Variants in KALRN observed in about 807,000 individuals in gnomAD.
KALRN encodes the protein kalirin.
A neutral mutation model predicts 353.7 loss-of-function variants in KALRN; 70 were observed. The observed-to-expected ratio is 0.20, with a 90% CI of 0.16 to 0.24. The LOEUF (loss-of-function observed/expected upper bound fraction) is 0.24, where lower values mean the gene tolerates loss of function less well. Among genes scored for constraint, KALRN ranks in the 10% least tolerant of loss-of-function variants. The pLI is 1.00. For synonymous variants in KALRN, 1,391 were observed against 1,434.8 expected, an observed-to-expected ratio of 0.97 and a Z score of 0.69; for missense variants, 2,791 against 3,756.7, an observed-to-expected ratio of 0.74 and a Z score of 6.72.
chr3:124,346,361 T>C (rs1257144887), intron 9 of KALRN, among the ~76,000 whole-genome samples: 1 of 152,088 alleles, frequency 6.6e-6, no homozygotes, highest in Non-Finnish European at 1.5e-5. Flanking sequence ...CTCTCACCCC[T>C]CTATTGCCCA....
chr3:124,428,043 T>A (rs965082204), intron 15 of KALRN, among the ~76,000 whole-genome samples: 1 of 152,184 alleles, frequency 6.6e-6, no homozygotes, highest in Admixed American at 6.5e-5. Context: ...AGCTCAAAAT[T>A]AGTAGAACCA....
intron 6 of KALRN, among the ~76,000 whole-genome samples, chr3:124,309,436 G>A (rs1050501123): frequency 1.3e-5 from 2 of 152,050 alleles, no homozygotes; most frequent in East Asian, 1.9e-4. Context: ...TGGTGCTCAC[G>A]AATAGTCCCA....
intron 34 of KALRN, among the ~76,000 whole-genome samples, chr3:124,610,465 GA>G: frequency 6.6e-6 from 1 of 152,306 alleles, no homozygotes; most frequent in South Asian, 2.1e-4. Flanking sequence ...GCTCTGGGGG[GA>G]CAAGGGGTTG....
chr3:124,451,695 C>G (rs547126115), intron 21 of KALRN, among the ~76,000 whole-genome samples: 12 of 152,246 alleles, frequency 7.9e-5, no homozygotes, highest in African/African-American at 2.6e-4. Flanking sequence ...CCAGAAAAAG[C>G]TCAGTGACTC....
At chr3:124,561,561 G>A (rs1056146934) in intron 33 of KALRN, among the ~76,000 whole-genome samples, 5 of 152,218 alleles carry the variant, frequency 3.3e-5, no homozygotes, top group African/African-American at 1.2e-4. Context: ...CGTTCACTGT[G>A]TATGCCACTG....
chr3:124,167,127 G>A (rs987088731), intron 1 of KALRN, among the ~76,000 whole-genome samples: 18 of 152,100 alleles, frequency 1.2e-4, no homozygotes, highest in Non-Finnish European at 2.2e-4. Flanking sequence ...ATGGAGTGGG[G>A]GTGGACCAAG....
In KALRN at chr3:124,343,553, G is replaced by A. The variant is rs115916711; in HGVS notation, c.1648-3590G>A. Among the ~76,000 whole-genome samples the A allele has an allele frequency of 7.3e-3, 1,107 of 152,194 alleles. 21 individuals carry two copies. The highest frequency in any genetic ancestry group is 0.025 in the African/African-American group (1,046 of 41,524). On this transcript the variant is annotated intron_variant, in intron 9 of 59. Coordinates refer to ENST00000682506, the MANE Select transcript of KALRN (RefSeq NM_001388419.1). ...CTTAGGATGAACAATGGATTCTCCC[G>A]TTCAGCACACCAGGGCTCACCACAA...
At chr3:124,207,424 C>T (rs1026696174) in intron 1 of KALRN, among the ~76,000 whole-genome samples, 4 of 152,204 alleles carry the variant, frequency 2.6e-5, no homozygotes, top group African/African-American at 9.7e-5. Flanking sequence ...TTGTAACTGT[C>T]CCGAAACTCG....
chr3:124,541,943 C>G (rs1227189050), intron 33 of KALRN, among the ~76,000 whole-genome samples: 1 of 152,084 alleles, frequency 6.6e-6, no homozygotes, highest in Non-Finnish European at 1.5e-5. Flanking sequence ...GATGGTGCCA[C>G]TGCACTCCAG....
At chr3:124,216,489 G>A (rs1224316886) in intron 1 of KALRN, among the ~76,000 whole-genome samples, 2 of 152,198 alleles carry the variant, frequency 1.3e-5, no homozygotes, top group Non-Finnish European at 2.9e-5. Flanking sequence ...ATATGCAATG[G>A]TTTGTGTACA....
intron 3 of KALRN, among the ~76,000 whole-genome samples, chr3:124,246,097 A>T (rs2081090222): frequency 6.6e-6 from 1 of 152,150 alleles, no homozygotes; most frequent in African/African-American, 2.4e-5. Context: ...TTGGCCATAT[A>T]CCTAGACATG....
intron 1 of KALRN, among the ~76,000 whole-genome samples, chr3:124,151,150 G>A (rs1454589158): frequency 2.6e-5 from 4 of 152,034 alleles, no homozygotes; most frequent in Admixed American, 6.6e-5. Context: ...GGATACTCTC[G>A]TACATATCTA....
intron 11 of KALRN, 95 bp downstream of exon 11, chr3:124,385,131 G>A: frequency 4.8e-6 from 5 of 1,039,838 alleles, no homozygotes; most frequent in African/African-American, 1.6e-5. Context: ...AGGGTCCTGG[G>A]TAGTCTGGGG....
At chr3:124,713,285 A>C (rs1272617952) in intron 58 of KALRN, 150 bp downstream of exon 58, 2 of 530,140 alleles carry the variant, frequency 3.8e-6, no homozygotes, top group Non-Finnish European at 6.4e-6. Context: ...CCCATTTTAT[A>C]ATCAATGTCA....
In KALRN at chr3:124,719,321, C is replaced by T. The variant is rs1266486997; in HGVS notation, c.8812C>T (p.Leu2938=). 4 of 1,614,234 alleles carry T rather than the reference C, an allele frequency of 2.5e-6. No individual in the cohort carries two copies. Among genetic ancestry groups the T allele is most frequent in the Non-Finnish European group, 3.4e-6 (4 of 1,180,048 alleles). Residue 2938 remains leucine, a synonymous_variant, in exon 60 of 60, where the codon CTG becomes TTG. Transcript: ENST00000682506. This position sits in a 1 kb window ranked among gnomAD's most constrained non-coding sequence, Gnocchi z 5.3. ...TAATCLQHPW[L]QPHNGSYSKI... ...AGCCACATGCTTGCAGCATCCATGGCTGCAGCCCCATAATGGCAGCTACTC... is the reference window on the plus strand; with the variant it reads ...AGCCACATGCTTGCAGCATCCATGGTTGCAGCCCCATAATGGCAGCTACTC...
At chr3:124,151,392 G>A (rs972951429) in intron 1 of KALRN, among the ~76,000 whole-genome samples, 4 of 152,220 alleles carry the variant, frequency 2.6e-5, no homozygotes, top group African/African-American at 9.6e-5. Flanking sequence ...GTATGTGGTA[G>A]TGTCACATTG....
At chr3:124,155,974 TG>T (rs2068924248) in intron 1 of KALRN, among the ~76,000 whole-genome samples, 1 of 152,218 alleles carries the variant, frequency 6.6e-6, no homozygotes. Context: ...CATCTGGGTC[TG>T]GGATGCTGAT....
intron 16 of KALRN, among the ~76,000 whole-genome samples, chr3:124,431,045 C>A (rs553316341): frequency 4.6e-5 from 7 of 152,302 alleles, no homozygotes; most frequent in African/African-American, 1.7e-4. Flanking sequence ...CCTTTAAGGC[C>A]ACTGGTACAT....
At chr3:124,488,059 C>T in intron 28 of KALRN, 145 bp from the exon 29 acceptor site, 1 of 560,314 alleles carries the variant, frequency 1.8e-6, no homozygotes, top group Non-Finnish European at 3.2e-6. Flanking sequence ...AGAGATAACC[C>T]CTTTTACCCC....
Sources: allele counts gnomAD v4.1 joint callset (sites outside exome capture counted in the v4.1 genomes callset), GRCh38; gene constraint gnomAD v4.1.1; non-coding constraint Gnocchi (gnomAD v3.1); transcripts MANE v1.5; gene names NCBI Gene and HGNC (gene_info 2026-07-23, HGNC 2026-07-21).